KLHL13: variants seen among roughly 807,000 people sequenced by gnomAD.
KLHL13 encodes kelch-like protein 13.
A neutral mutation model predicts 37.1 loss-of-function variants in KLHL13; 10 were observed. The observed-to-expected ratio is 0.27, with a 90% CI of 0.17 to 0.46. KLHL13 has a LOEUF of 0.46. Ranked by LOEUF, KLHL13 falls within the 20% of genes least tolerant of loss-of-function variation. The pLI is 1.00. For synonymous variants in KLHL13, 163 were observed against 181.2 expected (o/e 0.90, Z 0.81); for missense variants, 360 against 509.3 (o/e 0.71, Z 2.82).
chrX:117,909,050 C>T (rs745831458), intron 5 of KLHL13, among the ~76,000 whole-genome samples: 2 of 111,752 alleles, frequency 1.8e-5, no homozygotes, highest in Non-Finnish European at 3.8e-5. Flanking sequence ...AAGATGAAGA[C>T]CATATATACT....
At chrX:118,066,214 C>A (rs1490624660) in intron 1 of KLHL13, among the ~76,000 whole-genome samples, 2 of 111,520 alleles carry the variant, frequency 1.8e-5, no homozygotes, top group Non-Finnish European at 3.8e-5. Flanking sequence ...AACAGAACTA[C>A]AGGGGTAAAA....
chrX:118,053,400 A>G (rs1289719845), intron 1 of KLHL13, among the ~76,000 whole-genome samples: 2 of 111,581 alleles, frequency 1.8e-5, no homozygotes, highest in Non-Finnish European at 3.8e-5. Flanking sequence ...ACAAAAAACC[A>G]AACACCGAAT....
At chrX:117,930,706 C>T (rs1932408053) in intron 2 of KLHL13, among the ~76,000 whole-genome samples, 1 of 111,226 alleles carries the variant, frequency 9.0e-6, no homozygotes. Context: ...ACAGTCAATT[C>T]GAAGAATAAG....
intron 1 of KLHL13, among the ~76,000 whole-genome samples, chrX:118,058,057 A>G (rs2054704011): frequency 9.0e-6 from 1 of 111,282 alleles, no homozygotes; most frequent in Admixed American, 9.6e-5. Flanking sequence ...GAAGTTATCC[A>G]ATGTCAAAAT....
chrX:118,005,645 T>C (rs921960579), intron 1 of KLHL13, among the ~76,000 whole-genome samples: 7 of 111,096 alleles, frequency 6.3e-5, no homozygotes, highest in African/African-American at 2.3e-4. Context: ...GCTTCGAAGA[T>C]GGAGGAAGAG....
chrX:118,059,384 T>A (rs1222492492), intron 1 of KLHL13, among the ~76,000 whole-genome samples: 2 of 111,822 alleles, frequency 1.8e-5, no homozygotes, highest in African/African-American at 3.2e-5. Context: ...CATCTTCACT[T>A]TTCTTCTCAC....
upstream of KLHL13, among the ~76,000 whole-genome samples, chrX:117,975,417 G>T (rs754689301): frequency 2.5e-4 from 28 of 112,089 alleles, no homozygotes. Context: ...TTGAGATGGA[G>T]TCTCCCTCTG....
intron 1 of KLHL13, among the ~76,000 whole-genome samples, chrX:117,964,965 A>G (rs1202605291): frequency 9.0e-6 from 1 of 111,151 alleles, no homozygotes; most frequent in Non-Finnish European, 1.9e-5. Context: ...TATGTGCCAC[A>G]TTTTCTTAAT....
intron 1 of KLHL13, among the ~76,000 whole-genome samples, chrX:118,062,220 C>T (rs1359984773): frequency 9.0e-6 from 1 of 110,803 alleles, no homozygotes; most frequent in Non-Finnish European, 1.9e-5. Context: ...TTCTCAGTAC[C>T]CTTATAAATA....
chrX:117,946,964 A>C (rs935112387), intron 1 of KLHL13: 1 of 112,156 alleles, frequency 8.9e-6, no homozygotes, highest in Non-Finnish European at 1.9e-5. Context: ...TAGTATAACC[A>C]AAAATGAATT....
Position 118,080,652 on chromosome X carries a change from A to T in KLHL13, c.-56+35856T>A, listed in dbSNP as rs769785392. Among the ~76,000 whole-genome samples, 3 of 112,090 alleles carry T rather than the reference A, an allele frequency of 2.7e-5. No individual in the cohort carries two copies. The South Asian group carries it at 1.1e-3, about 42-fold the overall frequency. Reference sequence around the variant, plus strand: ...TGCAGAGAAAAGGGAACACTTATACACTGTTGGTGGGAATGTAAATTAGCT... The same window carrying T: ...TGCAGAGAAAAGGGAACACTTATACTCTGTTGGTGGGAATGTAAATTAGCT... On this transcript the variant is annotated intron_variant, in intron 1 of 6. Transcript: ENST00000371882.
intron 1 of KLHL13, among the ~76,000 whole-genome samples, chrX:118,107,273 A>G (rs2055356887): frequency 8.9e-6 from 1 of 112,209 alleles, no homozygotes; most frequent in Non-Finnish European, 1.9e-5. Flanking sequence ...CTTGGAATCA[A>G]TGTGATGCCA....
At chrX:117,916,431 A>C (rs1022511578) in intron 4 of KLHL13, among the ~76,000 whole-genome samples, 2 of 112,012 alleles carry the variant, frequency 1.8e-5, no homozygotes, top group Non-Finnish European at 3.8e-5. Flanking sequence ...ATAACATAGC[A>C]AAAACAAAAA....
At chrX:117,976,614 T>A (rs774414424), upstream of KLHL13, among the ~76,000 whole-genome samples, 137 of 112,342 alleles carry the variant, frequency 1.2e-3, no homozygotes, top group African/African-American at 4.3e-3. Context: ...TACTTTAATA[T>A]TTAGAATAGC....
At chrX:118,054,266 T>A (rs2054662524) in intron 1 of KLHL13, among the ~76,000 whole-genome samples, 1 of 111,256 alleles carries the variant, frequency 9.0e-6, no homozygotes, top group African/African-American at 3.3e-5. Context: ...ATTACAGTGA[T>A]CACCTTATCA....
chrX:118,073,918 G>T (rs2054900829), intron 1 of KLHL13, among the ~76,000 whole-genome samples: 1 of 111,581 alleles, frequency 9.0e-6, no homozygotes, highest in Admixed American at 9.6e-5. Flanking sequence ...GACCTTAAAA[G>T]ATTTTATTAT....
intron 1 of KLHL13, among the ~76,000 whole-genome samples, chrX:118,070,141 G>C (rs965699470): frequency 1.8e-5 from 2 of 112,061 alleles, no homozygotes; most frequent in South Asian, 7.4e-4. Flanking sequence ...ACATACGTTT[G>C]TGTAAGTACA....
At chrX:117,949,069 G>C (rs1394250064) in intron 1 of KLHL13, among the ~76,000 whole-genome samples, 1 of 112,236 alleles carries the variant, frequency 8.9e-6, no homozygotes, top group Non-Finnish European at 1.9e-5. Context: ...ACATGTAAGT[G>C]ATATGAGCAC....
At chrX:117,992,331 T>A (rs2147948942) in intron 1 of KLHL13, among the ~76,000 whole-genome samples, 1 of 110,709 alleles carries the variant, frequency 9.0e-6, no homozygotes, top group South Asian at 3.9e-4. Flanking sequence ...ATCGCACCTT[T>A]CCTGACTCTC....
Sources: allele counts gnomAD v4.1 joint callset (sites outside exome capture counted in the v4.1 genomes callset), GRCh38; gene constraint gnomAD v4.1.1; transcripts MANE v1.5; gene names NCBI Gene and HGNC (gene_info 2026-07-23, HGNC 2026-07-21).